The following BECN1 variants were observed in gnomAD, a reference collection of about 807,000 sequenced individuals.
The protein encoded by BECN1 is beclin-1.
BECN1 carries 15 observed loss-of-function variants against 60.1 expected under a neutral mutation model. The ratio of observed to expected loss-of-function variants is 0.25; its 90% CI spans 0.17 to 0.38. BECN1 has a LOEUF of 0.38. BECN1 is among the 10% of genes least tolerant of loss of function. The probability of loss-of-function intolerance (pLI) is 1.00; values close to 1 mark genes in which losing one functional copy is unlikely to be tolerated. For synonymous variants in BECN1, 179 were observed against 201.8 expected (o/e 0.89, Z 0.96); for missense variants, 424 against 548.2 (o/e 0.77, Z 2.26).
rs2055092614 is a variant in BECN1, at chr17:42,813,984, G to A, written c.1005C>T (p.Asn335=). ...CTGTCAGAGACTCCAGATATGAATG[G>A]TTTCCGTAAGGAACAAGTCGGTATC... ...FQRYRLVPYG[N]HSYLESLTDK... is the part of the protein sequence containing the mutation. The change falls in exon 10 of 12, where the codon AAC becomes AAT. Residue 335 remains asparagine (N), a synonymous_variant. Coordinates refer to ENST00000590099, the MANE Select transcript of BECN1 (RefSeq NM_001313998.2). 6.2e-7 allele frequency: 1 copy of A among 1,605,856 alleles called. No homozygotes were observed. The highest frequency in any genetic ancestry group is 1.1e-5 in the South Asian group (1 of 90,290).
At chr17:42,817,556 T>G (rs1287318692) in intron 7 of BECN1, among the ~76,000 whole-genome samples, 2 of 152,198 alleles carry the variant, frequency 1.3e-5, no homozygotes, top group African/African-American at 2.4e-5. Flanking sequence ...TGTTTTTATT[T>G]TTTGAGACAG....
In BECN1 at chr17:42,820,795, C is replaced by G. The variant is rs562188841; in HGVS notation, c.177G>C (p.Glu59Asp). 40 of 1,595,798 alleles carry G rather than the reference C, an allele frequency of 2.5e-5. No individual in the cohort carries two copies. The South Asian group carries it at 4.2e-4, about 17-fold the overall frequency. ...TTACCTCTCCTGAGTTAGTCTCTTC[C>G]TCCTGGGTCTCTCCTGGTTTCGCCT... The part of the protein sequence containing the change: ...TAQAKPGETQ[E>D]EETNSGEEPF... The change falls in exon 3 of 12, where the codon GAG becomes GAC. Residue 59 changes from glutamate to aspartate, a missense_variant. By Grantham distance (45) the Glu-to-Asp change is conservative (BLOSUM62 2). Around this residue, in one of 3 missense-constraint regions of BECN1, gnomAD observed 96 missense variants for 125.6 expected, o/e 0.76. Coordinates refer to ENST00000590099, the MANE Select transcript of BECN1 (RefSeq NM_001313998.2).
intron 4 of BECN1, 41 bp downstream of exon 4, chr17:42,819,507 T>C (rs1355785145): frequency 1.9e-6 from 3 of 1,600,146 alleles, no homozygotes; most frequent in Admixed American, 1.7e-5. Flanking sequence ...AAAATTCTAC[T>C]AGCCTTTGGC....
Position 42,811,767 on chromosome 17 carries a change from G to A in BECN1, c.1072C>T (p.Arg358Trp), listed in dbSNP as rs1759529182. ...TCAAACTTGTTGTCCCAGAAAAACC[G>A]CAACCCCCCAGAACAGTATAACGGC... ...ELPLYCSGGLRFFWDNKFDHA... is the reference protein window; with the variant it reads ...ELPLYCSGGLWFFWDNKFDHA... Residue 358 changes from arginine to tryptophan, a missense_variant, in exon 11 of 12, where the codon CGG becomes TGG. Arg to Trp is a moderately radical substitution (Grantham distance 101, BLOSUM62 -3). Coordinates refer to ENST00000590099, the MANE Select transcript of BECN1 (RefSeq NM_001313998.2). The A allele has an allele frequency of 5.6e-6, 9 of 1,614,090 alleles. No individual in the cohort carries two copies. Among genetic ancestry groups the A allele is most frequent in the African/African-American group, 1.3e-5 (1 of 75,012 alleles).
intron 10 of BECN1, chr17:42,813,001 AT>A (rs528768459): frequency 0.025 from 3,156 of 124,986 alleles, 116 homozygotes; most frequent in African/African-American, 0.085. Context: ...CGCCCAGCTG[AT>A]TTTTTTTTTT....
At chr17:42,819,063 A>T in intron 4 of BECN1, 186 bp from the exon 5 acceptor site, 1 of 617,994 alleles carries the variant, frequency 1.6e-6, no homozygotes, top group Non-Finnish European at 2.8e-6. Flanking sequence ...GGTCTTCCAC[A>T]GGGACACTCA....
chr17:42,823,577 T>C lies in BECN1; in HGVS notation c.130+171A>G, dbSNP rs1235833956. On this transcript the variant is annotated intron_variant, in intron 2 of 11. Coordinates refer to ENST00000590099, the MANE Select transcript of BECN1 (RefSeq NM_001313998.2). Reference sequence around the variant, plus strand: ...TCGGAAAGCTCTCAGAAGTCCACAATGTCAGAATGCTTTATGTTTCCAAGG... The same window carrying C: ...TCGGAAAGCTCTCAGAAGTCCACAACGTCAGAATGCTTTATGTTTCCAAGG... The C allele has an allele frequency of 2.1e-5, 21 of 1,001,752 alleles. No individual in the cohort carries two copies. The East Asian group carries it at 4.6e-4, about 22-fold the overall frequency. 62.1% of individuals were successfully genotyped at this position (1,001,752 alleles called of 1,614,324 possible).
intron 7 of BECN1, among the ~76,000 whole-genome samples, chr17:42,817,429 C>A (rs1249892857): frequency 6.6e-6 from 1 of 152,150 alleles, no homozygotes; most frequent in African/African-American, 2.4e-5. Context: ...ACTTGTTATA[C>A]TACTGTGTGA....
chr17:42,811,415 T>G (rs1674744550), intron 11 of BECN1: 3 of 412,180 alleles, frequency 7.3e-6, no homozygotes, highest in Non-Finnish European at 1.3e-5. Context: ...AGGCTTGAGC[T>G]CTATGCCAAG....
intron 10 of BECN1, chr17:42,812,014 C>A: frequency 1.9e-6 from 1 of 523,032 alleles, no homozygotes. Context: ...TGAAAATGTA[C>A]CATAGGTTGA....
In BECN1 at chr17:42,815,849, G is replaced by A. The variant is rs140165459; in HGVS notation, c.830+59C>T. The A allele has an allele frequency of 1.1e-3, 1,730 of 1,609,672 alleles. 1 individual carries two copies. Among genetic ancestry groups the A allele is most frequent in the Middle Eastern group, 2.2e-3 (12 of 5,458 alleles). On this transcript the variant is annotated intron_variant, in intron 8 of 11. Transcript: ENST00000590099. ...TGTGGGAAGTGGGCACCCAGGCTTA[G>A]TGGTCAACAGCTAAGGTCTAGATAT...
At chr17:42,818,994 C>T in intron 4 of BECN1, 117 bp from the exon 5 acceptor site, 3 of 1,167,548 alleles carry the variant, frequency 2.6e-6, no homozygotes, top group Non-Finnish European at 3.7e-6. Flanking sequence ...AAGGAACATA[C>T]CCACTCCTAG....
chr17:42,819,518 A>G, intron 4 of BECN1, 30 bp downstream of exon 4: 1 of 1,609,230 alleles, frequency 6.2e-7, no homozygotes, highest in Non-Finnish European at 8.5e-7. Context: ...AGCCTTTGGC[A>G]AGGAATGGGG....
chr17:42,821,274 C>G (rs2055258699), intron 2 of BECN1, among the ~76,000 whole-genome samples: 1 of 152,088 alleles, frequency 6.6e-6, no homozygotes, highest in African/African-American at 2.4e-5. Context: ...TTGGCCAGGT[C>G]TTGATCTCCT....
intron 9 of BECN1, 102 bp from the exon 10 acceptor site, chr17:42,814,110 T>C: frequency 1.3e-6 from 1 of 779,234 alleles, no homozygotes; most frequent in Non-Finnish European, 2.0e-6. Context: ...GGCCAAGGGC[T>C]TCTTTTATTA....
At chr17:42,821,522 A>T (rs573893591) in intron 2 of BECN1, among the ~76,000 whole-genome samples, 1 of 152,350 alleles carries the variant, frequency 6.6e-6, no homozygotes, top group Admixed American at 6.5e-5. Context: ...GGTGATGGGT[A>T]CACAGGAGTT....
chr17:42,814,123 C>A, intron 9 of BECN1, 115 bp from the exon 10 acceptor site: 1 of 645,084 alleles, frequency 1.6e-6, no homozygotes. Flanking sequence ...TTTTATTATG[C>A]TCAACTCCCT....
intron 11 of BECN1, 62 bp from the exon 12 acceptor site, chr17:42,810,990 A>G: frequency 2.7e-6 from 4 of 1,474,704 alleles, no homozygotes; most frequent in Non-Finnish European, 3.6e-6. Flanking sequence ...AGTTCGGGGC[A>G]GGGACTTGAT....
intron 2 of BECN1, among the ~76,000 whole-genome samples, chr17:42,822,725 C>G (rs746235567): frequency 6.6e-6 from 1 of 151,908 alleles, no homozygotes; most frequent in Non-Finnish European, 1.5e-5. Flanking sequence ...TTTTTTGAGA[C>G]AGGGTCTTGC....
Sources: allele counts gnomAD v4.1 joint callset (sites outside exome capture counted in the v4.1 genomes callset), GRCh38; gene constraint gnomAD v4.1.1; regional missense constraint gnomAD v4.1.1; transcripts MANE v1.5; gene names NCBI Gene and HGNC (gene_info 2026-07-23, HGNC 2026-07-21).